The following CDH13 variants were observed in gnomAD, a reference collection of about 807,000 sequenced individuals.
CDH13 encodes the protein cadherin-13.
CDH13 carries 24 observed loss-of-function variants against 63.8 expected under a neutral mutation model. That is an observed-to-expected ratio of 0.38 (90% CI 0.27 to 0.53). The LOEUF is 0.53. Ranked by LOEUF, CDH13 falls within the 20% of genes least tolerant of loss-of-function variation. CDH13 has a pLI of 0.85. For synonymous variants in CDH13, 503 were observed against 355.3 expected (o/e 1.42, Z -4.67); for missense variants, 1,049 against 903.1 (o/e 1.16, Z -2.07).
intron 5 of CDH13, among the ~76,000 whole-genome samples, chr16:83,331,953 T>G (rs1244729578): frequency 6.6e-6 from 1 of 152,108 alleles, no homozygotes; most frequent in Non-Finnish European, 1.5e-5. Flanking sequence ...CACACGCACA[T>G]ATCAGGCTAA....
intron 12 of CDH13, among the ~76,000 whole-genome samples, chr16:83,782,164 C>T (rs1915572649): frequency 1.3e-5 from 2 of 152,082 alleles, no homozygotes; most frequent in South Asian, 4.1e-4. Flanking sequence ...ATTTTGTTGT[C>T]TCACAGTTTT....
At chr16:82,712,393 C>T (rs561423291) in intron 1 of CDH13, among the ~76,000 whole-genome samples, 18 of 152,252 alleles carry the variant, frequency 1.2e-4, no homozygotes, top group African/African-American at 3.9e-4. Flanking sequence ...TTGTAGCTAC[C>T]ATTCATACTG....
At chr16:83,368,456 T>C (rs762853844) in intron 6 of CDH13, among the ~76,000 whole-genome samples, 18 of 152,212 alleles carry the variant, frequency 1.2e-4, no homozygotes, top group Non-Finnish European at 2.5e-4. Flanking sequence ...CATGATTGAA[T>C]TATTCACCAT....
At chr16:83,414,589 AC>A (rs57709696) in intron 6 of CDH13, among the ~76,000 whole-genome samples, 4,473 of 152,062 alleles carry the variant, frequency 0.029, 84 homozygotes, top group East Asian at 0.12. Flanking sequence ...CTCCCCCTAG[AC>A]CCTGACAGAC....
chr16:82,690,706 G>T (rs754847085), intron 1 of CDH13, among the ~76,000 whole-genome samples: 10 of 152,196 alleles, frequency 6.6e-5, no homozygotes, highest in Non-Finnish European at 1.3e-4. Context: ...GCCCACCGTT[G>T]TTCATGAATA....
chr16:83,525,197 A>G (rs7190289), intron 7 of CDH13, among the ~76,000 whole-genome samples: 1 of 151,940 alleles, frequency 6.6e-6, no homozygotes, highest in Non-Finnish European at 1.5e-5. Flanking sequence ...ACGGGCCAGT[A>G]GAATGTAGTA....
chr16:82,875,270 CT>C (rs1348882339), intron 2 of CDH13, among the ~76,000 whole-genome samples: 1 of 152,176 alleles, frequency 6.6e-6, no homozygotes, highest in Non-Finnish European at 1.5e-5. Context: ...GTATAGCCTA[CT>C]TCTGTACCAA....
chr16:83,335,934 C>T (rs1019292948), intron 5 of CDH13, among the ~76,000 whole-genome samples: 5 of 152,206 alleles, frequency 3.3e-5, no homozygotes, highest in Admixed American at 2.0e-4. Flanking sequence ...AAACCCCTTC[C>T]TTCTTTAACT....
chr16:83,551,056 A>ATATCTATG (rs2075482390), intron 7 of CDH13, among the ~76,000 whole-genome samples: 1 of 148,354 alleles, frequency 6.7e-6, no homozygotes, highest in African/African-American at 2.5e-5. Context: ...TAAGTCATTT[A>ATATCTATG]TATCTATCTA....
At chr16:83,404,721 C>A (rs1199078270) in intron 6 of CDH13, among the ~76,000 whole-genome samples, 1 of 152,204 alleles carries the variant, frequency 6.6e-6, no homozygotes, top group African/African-American at 2.4e-5. Flanking sequence ...GCCACTGTGT[C>A]TTCCCAGAAA....
At chr16:82,927,263 T>G (rs1174413487) in intron 2 of CDH13, among the ~76,000 whole-genome samples, 1 of 152,142 alleles carries the variant, frequency 6.6e-6, no homozygotes, top group East Asian at 1.9e-4. Context: ...CAGTCATAGA[T>G]TCCCCTGAGG....
At chr16:82,768,190 C>T (rs1185039517) in intron 1 of CDH13, among the ~76,000 whole-genome samples, 1 of 152,198 alleles carries the variant, frequency 6.6e-6, no homozygotes, top group Non-Finnish European at 1.5e-5. Flanking sequence ...CTAATTTTCT[C>T]AACTAAATTG....
chr16:83,327,454 T>C (rs908802199), intron 5 of CDH13, among the ~76,000 whole-genome samples: 18 of 152,256 alleles, frequency 1.2e-4, no homozygotes, highest in African/African-American at 3.9e-4. Context: ...AAGGGACTTC[T>C]TTATAAACTC....
In CDH13 at chr16:83,794,777, C is replaced by T. The variant is rs189418018; in HGVS notation, c.2135-246C>T. Reference sequence around the variant, plus strand: ...TGGTAACGGTGGTAATAGCAGCTCTCGGTCTGAGCGATGTTTGGCATCTGA... The same window carrying T: ...TGGTAACGGTGGTAATAGCAGCTCTTGGTCTGAGCGATGTTTGGCATCTGA... On this transcript the variant is annotated intron_variant, in intron 13 of 13. Coordinates refer to ENST00000567109, the MANE Select transcript of CDH13 (RefSeq NM_001257.5). 7.8e-3 allele frequency among the ~76,000 whole-genome samples: 1,191 copies of T among 152,100 alleles called. 7 individuals are homozygous for T. Among genetic ancestry groups the T allele is most frequent in the Middle Eastern group, 0.014 (4 of 294 alleles).
chr16:83,650,231 C>A (rs1218534647), intron 8 of CDH13, among the ~76,000 whole-genome samples: 1 of 152,088 alleles, frequency 6.6e-6, no homozygotes, highest in Non-Finnish European at 1.5e-5. Flanking sequence ...AAAAAAATAC[C>A]TTTCTTCTTT....
At chr16:83,787,118 T>C (rs761078736) in intron 13 of CDH13, among the ~76,000 whole-genome samples, 35 of 152,302 alleles carry the variant, frequency 2.3e-4, no homozygotes, top group Non-Finnish European at 4.4e-4. Context: ...TTTGTGCAGT[T>C]TGTAAAACCT....
intron 1 of CDH13, among the ~76,000 whole-genome samples, chr16:82,804,421 A>G (rs958143840): frequency 6.6e-6 from 1 of 152,190 alleles, no homozygotes; most frequent in African/African-American, 2.4e-5. Flanking sequence ...TATATAAAAC[A>G]TATCAAATTG....
At chr16:82,831,286 T>C (rs2038529575) in intron 1 of CDH13, among the ~76,000 whole-genome samples, 1 of 152,202 alleles carries the variant, frequency 6.6e-6, no homozygotes, top group Non-Finnish European at 1.5e-5. Context: ...GCCGAAACCA[T>C]ACATTTATCC....
At chr16:83,139,066 G>A (rs751490366) in intron 4 of CDH13, among the ~76,000 whole-genome samples, 8 of 151,762 alleles carry the variant, frequency 5.3e-5, no homozygotes, top group Non-Finnish European at 1.0e-4. Context: ...CCACCTCCCC[G>A]TAGTTTGCTC....
Sources: gnomAD v4.1 joint callset for allele counts (sites outside exome capture counted in the v4.1 genomes callset) on GRCh38, gnomAD v4.1.1 for gene constraint, MANE v1.5 for transcripts, NCBI Gene and HGNC (gene_info 2026-07-23, HGNC 2026-07-21) for gene names.